The following MIB1 variants were observed in gnomAD, a reference collection of about 807,000 sequenced individuals.
MIB1 encodes the protein E3 ubiquitin-protein ligase MIB1.
A neutral mutation model predicts 124.5 loss-of-function variants in MIB1; 278 were observed. The observed-to-expected ratio is 2.23, with a 90% CI of 2.02 to 2.47. The LOEUF is 2.47. Ranked by LOEUF, MIB1 falls within the 30% of genes most tolerant of loss-of-function variation. The pLI is 0.00. For synonymous variants in MIB1, 446 were observed against 429.4 expected (o/e 1.04, Z -0.48); for missense variants, 957 against 1,254.4 (o/e 0.76, Z 3.58).
At chr18:21,786,413 TG>T (rs1378097572) in intron 6 of MIB1, among the ~76,000 whole-genome samples, 7 of 152,218 alleles carry the variant, frequency 4.6e-5, no homozygotes, top group African/African-American at 1.7e-4. Flanking sequence ...GGTTATTATT[TG>T]GATTTAATTT....
intron 1 of MIB1, among the ~76,000 whole-genome samples, chr18:21,734,464 TTCTC>T (rs2040786243): frequency 7.8e-6 from 1 of 127,400 alleles, no homozygotes; most frequent in African/African-American, 3.1e-5. Context: ...TTTCTTTTCT[TTCTC>T]TCTCTCTCTT....
chr18:21,707,605 A>T (rs1295744697), intron 1 of MIB1, among the ~76,000 whole-genome samples: 11 of 152,192 alleles, frequency 7.2e-5, no homozygotes, highest in Non-Finnish European at 2.9e-5. Flanking sequence ...ACCCACCAGA[A>T]GGAAGAAACT....
In MIB1 at chr18:21,867,880, T is replaced by C. The variant is rs1205489621; in HGVS notation, c.*3214T>C. ...TAGTTAAATTCATGAACTAAGAGAA[T>C]TAGAGATGGGGTAGAGTAGGATCAG... On this transcript the variant is annotated 3_prime_UTR_variant, in exon 21 of 21. Coordinates refer to ENST00000261537, the MANE Select transcript of MIB1 (RefSeq NM_020774.4). The C allele has an allele frequency of 6.6e-6, 1 of 152,278 alleles. No individual in the cohort carries two copies. The highest frequency in any genetic ancestry group is 2.4e-5 in the African/African-American group (1 of 41,376). 9.4% of individuals were successfully genotyped at this position (152,278 alleles called of 1,614,324 possible). A position where few individuals can be genotyped will look rare whatever the true frequency, so the allele number is the denominator to read the frequency against.
intron 12 of MIB1, among the ~76,000 whole-genome samples, chr18:21,832,186 CAG>C (rs764141007): frequency 6.6e-6 from 1 of 152,068 alleles, no homozygotes; most frequent in Non-Finnish European, 1.5e-5. Flanking sequence ...TGGTAAAAAA[CAG>C]GGTCCAGTAT....
At position 21,791,406 on chromosome 18, in the gene MIB1, C is replaced by G; in HGVS notation, c.941C>G (p.Ala314Gly). 6.2e-7 allele frequency: 1 copy of G among 1,613,376 alleles called. No individual in the cohort carries two copies. Among genetic ancestry groups the G allele is most frequent in the Non-Finnish European group, 8.5e-7 (1 of 1,179,636 alleles). Residue 314 changes from alanine (A) to glycine (G), a missense_variant, in exon 7 of 21, where the codon GCG becomes GGG. Transcript: ENST00000261537. The stretch of plus-strand genomic sequence containing the variant: ...TTCAATCCTGCTGTTCTCACTAAAG[C>G]GAACATTGTCCGAAGTGGAGATGCT... ...WTFNPAVLTK[A>G]NIVRSGDAAQ...
Position 21,799,929 on chromosome 18 carries a change from A to C in MIB1, c.1326A>C (p.Gly442=). ...AATTAGTTAAGGCTGCTGCCAATGG[A>C]GATGTTGCTAAAGTGGAAGATTTGC... is the stretch of plus-strand genomic sequence containing the variant. The part of the protein sequence containing the change: ...NEELVKAAAN[G]DVAKVEDLLK... The change falls in exon 9 of 21, where the codon GGA becomes GGC. Residue 442 remains glycine (G), a synonymous_variant. Transcript: ENST00000261537. 2 of 1,612,314 alleles carry C rather than the reference A, an allele frequency of 1.2e-6. No homozygotes were observed. Among genetic ancestry groups the C allele is most frequent in the South Asian group, 2.2e-5 (2 of 90,938 alleles).
chr18:21,857,245 T>A lies in MIB1; in HGVS notation c.2779+2T>A. ...CAGAAGATGCCACTGATGATATCTG[T>A]AAGTCGATTGTCTTAAGCATTTTCA... On this transcript the variant is annotated splice_donor_variant, in intron 19 of 20. Transcript: ENST00000261537. LOFTEE classifies it high-confidence loss of function. 6.2e-7 allele frequency: 1 copy of A among 1,601,446 alleles called. No individual in the cohort carries two copies.
At chr18:21,817,093 C>T (rs1332670135) in intron 11 of MIB1, among the ~76,000 whole-genome samples, 5 of 150,802 alleles carry the variant, frequency 3.3e-5, no homozygotes, top group African/African-American at 7.3e-5. Flanking sequence ...TTTTTAGTGC[C>T]GCCAGATACA....
At chr18:21,810,922 A>G (rs570031079) in intron 10 of MIB1, among the ~76,000 whole-genome samples, 62 of 152,240 alleles carry the variant, frequency 4.1e-4, no homozygotes, top group African/African-American at 1.5e-3. Flanking sequence ...ATCAAAGGAC[A>G]TTTGTCAACA....
chr18:21,809,203 A>G (rs535691320), intron 10 of MIB1, among the ~76,000 whole-genome samples: 1 of 152,256 alleles, frequency 6.6e-6, no homozygotes, highest in East Asian at 1.9e-4. Flanking sequence ...ACCTGTCAAG[A>G]CAGAATCATG....
chr18:21,835,361 A>G (rs972706642), intron 12 of MIB1, among the ~76,000 whole-genome samples: 3 of 152,122 alleles, frequency 2.0e-5, no homozygotes, highest in Non-Finnish European at 2.9e-5. Flanking sequence ...AAAAGGAGAA[A>G]CGGCAGGACA....
chr18:21,836,495 C>G (rs1291719020), intron 12 of MIB1, among the ~76,000 whole-genome samples: 2 of 151,970 alleles, frequency 1.3e-5, no homozygotes, highest in South Asian at 2.1e-4. Context: ...CTCCTTACCC[C>G]TTTTTTGTCC....
intron 16 of MIB1, among the ~76,000 whole-genome samples, chr18:21,848,158 T>G (rs949977129): frequency 5.3e-5 from 8 of 152,118 alleles, no homozygotes; most frequent in African/African-American, 1.9e-4. Flanking sequence ...TGAAATTCTA[T>G]TACAAAAAGA....
At position 21,868,492 on chromosome 18, in the gene MIB1, T is replaced by A. The variant is rs1370115104; in HGVS notation, c.*3826T>A. On this transcript the variant is annotated 3_prime_UTR_variant, in exon 21 of 21. Coordinates refer to ENST00000261537, the MANE Select transcript of MIB1 (RefSeq NM_020774.4). ...TCATTGGAAGGGTTTGTTATTTCATTTTGAGCCAGAGGGGAGAGGCACATT... is the reference window on the plus strand; with the variant it reads ...TCATTGGAAGGGTTTGTTATTTCATATTGAGCCAGAGGGGAGAGGCACATT... 2.0e-5 allele frequency: 3 copies of A among 152,458 alleles called. No individual in the cohort carries two copies. Among genetic ancestry groups the A allele is most frequent in the African/African-American group, 7.2e-5 (3 of 41,440 alleles). 9.4% of individuals were successfully genotyped at this position (152,458 alleles called of 1,614,324 possible).
At chr18:21,776,760 G>C (rs1598605202) in intron 4 of MIB1, among the ~76,000 whole-genome samples, 1 of 152,188 alleles carries the variant, frequency 6.6e-6, no homozygotes, top group East Asian at 1.9e-4. Context: ...GAAGTGGGCA[G>C]GTCACTTGAG....
chr18:21,824,152 A>C (rs2041904530), intron 12 of MIB1, among the ~76,000 whole-genome samples: 1 of 152,196 alleles, frequency 6.6e-6, no homozygotes, highest in Non-Finnish European at 1.5e-5. Context: ...TTTTTCTTGA[A>C]TAGAAATTGA....
chr18:21,841,956 A>T (rs2042093443), intron 13 of MIB1, among the ~76,000 whole-genome samples: 1 of 151,980 alleles, frequency 6.6e-6, no homozygotes, highest in South Asian at 2.1e-4. Context: ...TTTATGTGAG[A>T]AATAGACATG....
chr18:21,817,526 C>CT (rs1199102844), intron 11 of MIB1: 1 of 210,650 alleles, frequency 4.7e-6, no homozygotes, highest in African/African-American at 2.3e-5. Flanking sequence ...CCACAACTAT[C>CT]TAACTCTCAT....
intron 1 of MIB1, among the ~76,000 whole-genome samples, chr18:21,742,699 G>A (rs747940506): frequency 6.6e-6 from 1 of 152,066 alleles, no homozygotes; most frequent in Non-Finnish European, 1.5e-5. Flanking sequence ...TTCATCTTTG[G>A]TATTATTTAT....
Sources: allele counts gnomAD v4.1 joint callset (sites outside exome capture counted in the v4.1 genomes callset), GRCh38; gene constraint gnomAD v4.1.1; transcripts MANE v1.5; gene names NCBI Gene and HGNC (gene_info 2026-07-23, HGNC 2026-07-21).